Variants in GALNT9 observed in about 807,000 individuals in gnomAD.
The protein encoded by GALNT9 is GalNAc transferase 9.
Under a neutral mutation model 63.1 loss-of-function variants are expected in GALNT9, and 47 were observed. The ratio of observed to expected loss-of-function variants is 0.75; its 90% CI spans 0.59 to 0.95. The LOEUF is 0.95. Among genes scored for constraint, GALNT9 ranks in the 40% least tolerant of loss-of-function variants. GALNT9 has a pLI of 0.00. For synonymous variants in GALNT9, 396 were observed against 365.7 expected, an observed-to-expected ratio of 1.08 and a Z score of -0.94; for missense variants, 829 against 874.8, an observed-to-expected ratio of 0.95 and a Z score of 0.66.
Position 132,203,800 on chromosome 12 carries a change from A to G in GALNT9, c.1078-110T>C, listed in dbSNP as rs1428574269. On this transcript the variant is annotated intron_variant, in intron 6 of 10. Coordinates refer to ENST00000328957, the MANE Select transcript of GALNT9 (RefSeq NM_001122636.2). ...GGGCCCGGCCCTCTGTTCCTGGGGC[A>G]CCCCCACCACCGACGGGCCTGGTGG... 24 of 1,171,034 alleles carry G rather than the reference A, an allele frequency of 2.0e-5. No individual in the cohort carries two copies. In the African/African-American group the frequency reaches 4.5e-4, roughly 22 times the overall value. The allele number at this position is 1,171,034 out of a possible 1,614,324, so 72.5% of individuals were successfully genotyped here.
At chr12:132,229,006 G>C (rs962011560) in intron 6 of GALNT9, among the ~76,000 whole-genome samples, 1 of 152,232 alleles carries the variant, frequency 6.6e-6, no homozygotes, top group South Asian at 2.1e-4. Context: ...GGTTAGACAC[G>C]GGTGCACAGG....
intron 6 of GALNT9, among the ~76,000 whole-genome samples, chr12:132,210,048 G>T (rs1487793792): frequency 6.6e-6 from 1 of 152,190 alleles, no homozygotes; most frequent in South Asian, 2.1e-4. Context: ...CTGGTCACAC[G>T]AGGAAGACAC....
At chr12:132,270,784 G>C (rs1220476565) in intron 2 of GALNT9, among the ~76,000 whole-genome samples, 1 of 152,282 alleles carries the variant, frequency 6.6e-6, no homozygotes, top group East Asian at 1.9e-4. Context: ...ACTCTGGCTG[G>C]AGCCCAGATA....
chr12:132,248,154 T>G (rs572429497), intron 5 of GALNT9, 127 bp from the exon 6 acceptor site: 37 of 1,363,996 alleles, frequency 2.7e-5, no homozygotes, highest in Non-Finnish European at 2.1e-5. Flanking sequence ...CCCTGTGCAC[T>G]CAGGTCCCTG....
intron 6 of GALNT9, among the ~76,000 whole-genome samples, chr12:132,208,867 T>C (rs1876834067): frequency 1.3e-5 from 2 of 152,344 alleles, no homozygotes; most frequent in East Asian, 3.9e-4. Context: ...TCCTGTGGCT[T>C]CCTTGCATGC....
rs782525619 is a variant in GALNT9 at position 132,260,954 on chromosome 12, G to A, written c.755C>T (p.Thr252Met). 34 of 1,543,288 alleles carry A rather than the reference G, an allele frequency of 2.2e-5. No individual in the cohort carries two copies. The highest frequency in any genetic ancestry group is 6.9e-5 in the African/African-American group (5 of 72,694). The stretch of plus-strand genomic sequence containing the variant: ...AGCCTGTTCCGGCCCTTACCAGCCC[G>A]TGTTGAACTCGACGTGGGCATCAAA... ...GFFDAHVEFN[T>M]GWAEPALSRI... Residue 252 changes from threonine to methionine, a missense_variant, in exon 4 of 11, where the codon ACG (threonine) becomes ATG (methionine). Coordinates refer to ENST00000328957, the MANE Select transcript of GALNT9 (RefSeq NM_001122636.2).
At chr12:132,300,609 A>G (rs1477038931) in intron 1 of GALNT9, among the ~76,000 whole-genome samples, 1 of 143,720 alleles carries the variant, frequency 7.0e-6, no homozygotes, top group East Asian at 2.1e-4. Flanking sequence ...TGCTGAGATA[A>G]CCCACTCCCA....
intron 6 of GALNT9, among the ~76,000 whole-genome samples, chr12:132,208,937 C>A (rs112793302): frequency 2.6e-5 from 4 of 152,304 alleles, no homozygotes; most frequent in African/African-American, 9.6e-5. Context: ...CCAAGACAAT[C>A]CGAGTTGATA....
chr12:132,243,488 C>G (rs1307161162), intron 6 of GALNT9, among the ~76,000 whole-genome samples: 1 of 128,958 alleles, frequency 7.8e-6, no homozygotes, highest in Non-Finnish European at 1.7e-5. Context: ...AGGGCATCCA[C>G]TCTTTGGGGA....
intron 2 of GALNT9, among the ~76,000 whole-genome samples, chr12:132,269,794 G>T (rs992146587): frequency 1.3e-5 from 2 of 152,228 alleles, no homozygotes; most frequent in Admixed American, 1.3e-4. Context: ...TGTCCTGGCC[G>T]CTCACTTTCC....
In GALNT9 at chr12:132,252,562, TG is replaced by T. The variant is rs1309946546; in HGVS notation, c.960-4536del. 6.6e-6 allele frequency among the ~76,000 whole-genome samples: 1 copy of T among 152,156 alleles called. No individual in the cohort carries two copies. Among genetic ancestry groups the T allele is most frequent in the Admixed American group, 6.5e-5 (1 of 15,288 alleles). On this transcript the variant is annotated intron_variant, in intron 5 of 10. Coordinates refer to ENST00000328957, the MANE Select transcript of GALNT9 (RefSeq NM_001122636.2). This position sits in a 1 kb window ranked among gnomAD's most constrained non-coding sequence, Gnocchi z 5.2. Reference sequence around the variant, plus strand: ...GAGATAAAGAGAAAACAGCTGGGCCTGGGGGGAACCACTGCCATCAAGACAC... The same window carrying T: ...GAGATAAAGAGAAAACAGCTGGGCCTGGGGGAACCACTGCCATCAAGACAC...
chr12:132,287,376 G>C (rs1159028856), intron 1 of GALNT9, among the ~76,000 whole-genome samples: 1 of 152,174 alleles, frequency 6.6e-6, no homozygotes, highest in Non-Finnish European at 1.5e-5. Flanking sequence ...CTAAGATTAG[G>C]TATTTTAAAC....
In GALNT9 at chr12:132,329,038, T is replaced by A. The variant is rs1555246736; in HGVS notation, c.166A>T (p.Thr56Ser). 1 of 1,545,798 alleles carries A rather than the reference T, an allele frequency of 6.5e-7. No individual in the cohort carries two copies. The change falls in exon 1 of 11, where the codon ACG becomes TCG. Residue 56 changes from threonine (T) to serine (S), a missense_variant. Thr to Ser is a moderately conservative substitution (Grantham distance 58, BLOSUM62 1). Coordinates refer to ENST00000328957, the MANE Select transcript of GALNT9 (RefSeq NM_001122636.2). ...AGGATGGCCTCACGGTCCCCCAGCG[T>A]GCCCACCTTGGCGTGTCGGCTGCGC... is the stretch of plus-strand genomic sequence containing the variant. The part of the protein sequence containing the change: ...RVRSRHAKVG[T>S]LGDREAILQR...
chr12:132,216,093 CAG>C (rs917605721), intron 6 of GALNT9, among the ~76,000 whole-genome samples: 3 of 146,044 alleles, frequency 2.1e-5, no homozygotes, highest in African/African-American at 4.9e-5. Flanking sequence ...GACACAGAAA[CAG>C]AGACAGAAAG....
At chr12:132,260,096 C>T (rs1243330788) in intron 4 of GALNT9, among the ~76,000 whole-genome samples, 1 of 151,896 alleles carries the variant, frequency 6.6e-6, no homozygotes, top group Non-Finnish European at 1.5e-5. Flanking sequence ...GTGGGGCTGG[C>T]TTTGGGGTTT....
rs1340652858 is a variant in GALNT9 at position 132,265,223 on chromosome 12, C to A, written c.420-2598G>T. On this transcript the variant is annotated intron_variant, in intron 2 of 10. Coordinates refer to ENST00000328957, the MANE Select transcript of GALNT9 (RefSeq NM_001122636.2). This position sits in a 1 kb window ranked among gnomAD's most constrained non-coding sequence, Gnocchi z 5.3. ...AAGTCGCTCACCCCGAAGTTCAGCC[C>A]CCAGCCTTGTCCTCCTGCGCTCCTG... Among the ~76,000 whole-genome samples the A allele has an allele frequency of 6.6e-6, 1 of 152,176 alleles. No individual in the cohort carries two copies. Among genetic ancestry groups the A allele is most frequent in the Non-Finnish European group, 1.5e-5 (1 of 68,044 alleles).
At position 132,279,695 on chromosome 12, in the gene GALNT9, A is replaced by C. The variant is rs1362432153; in HGVS notation, c.419+6555T>G. On this transcript the variant is annotated intron_variant, in intron 2 of 10. Transcript: ENST00000328957. This position sits in a 1 kb window ranked among gnomAD's most constrained non-coding sequence, Gnocchi z 4.1. ...CTCCAGCTCTTGCTGGGCGCCTGTG[A>C]TTCTCACCCCTGTCCCTTCAGGCCG... 4 of 152,364 alleles carry C rather than the reference A, an allele frequency of 2.6e-5. No homozygotes were observed. Among genetic ancestry groups the C allele is most frequent in the African/African-American group, 9.7e-5 (4 of 41,434 alleles). 9.4% of individuals were successfully genotyped at this position (152,364 alleles called of 1,614,324 possible).
chr12:132,215,132 C>G (rs1052453173), intron 6 of GALNT9, among the ~76,000 whole-genome samples: 1 of 152,176 alleles, frequency 6.6e-6, no homozygotes, highest in Non-Finnish European at 1.5e-5. Context: ...TTCCAGACGC[C>G]GGGTCTCCGC....
intron 6 of GALNT9, among the ~76,000 whole-genome samples, chr12:132,213,487 CACGCACTCCACTCACA>C (rs1423441753): frequency 3.3e-5 from 5 of 151,898 alleles, no homozygotes; most frequent in African/African-American, 4.8e-5. Context: ...CACCCACACA[CACGCACTCCACTCACA>C]CACAGGCGCA....
Sources: gnomAD v4.1 joint callset for allele counts (sites outside exome capture counted in the v4.1 genomes callset) on GRCh38, gnomAD v4.1.1 for gene constraint, Gnocchi (gnomAD v3.1) non-coding constraint, MANE v1.5 for transcripts, NCBI Gene and HGNC (gene_info 2026-07-23, HGNC 2026-07-21) for gene names.